The following ITPR1 variants were observed in gnomAD, a reference collection of about 807,000 sequenced individuals.
The protein encoded by ITPR1 is inositol 1,4,5-trisphosphate receptor type 1, also known as inositol 1,4,5-trisphosphate-gated calcium channel ITPR1.
ITPR1 carries 96 observed loss-of-function variants against 318.4 expected under a neutral mutation model. The ratio of observed to expected loss-of-function variants is 0.30; its 90% CI spans 0.26 to 0.36. The LOEUF (loss-of-function observed/expected upper bound fraction) is 0.36, where lower values mean the gene tolerates loss of function less well. Ranked by LOEUF, ITPR1 falls within the 10% of genes least tolerant of loss-of-function variation. The pLI is 1.00. For missense variants in ITPR1, 2,440 were observed against 3,460.2 expected, an observed-to-expected ratio of 0.71 and a Z score of 7.40; for synonymous variants, 1,312 against 1,289.9, an observed-to-expected ratio of 1.02 and a Z score of -0.37.
chr3:4,669,106 C>T (rs2094016255), intron 18 of ITPR1, among the ~76,000 whole-genome samples: 1 of 152,200 alleles, frequency 6.6e-6, no homozygotes, highest in African/African-American at 2.4e-5. Context: ...TTTCTGGAGC[C>T]TGCTCAAGGG....
At chr3:4,516,769 G>C (rs2082203947) in intron 3 of ITPR1, among the ~76,000 whole-genome samples, 186 bp downstream of exon 3, 1 of 152,178 alleles carries the variant, frequency 6.6e-6, no homozygotes, top group Non-Finnish European at 1.5e-5. Context: ...ACAATTTTCT[G>C]TATATTTCTG....
At chr3:4,515,853 G>A (rs930508121) in intron 2 of ITPR1, among the ~76,000 whole-genome samples, 21 of 152,312 alleles carry the variant, frequency 1.4e-4, no homozygotes, top group African/African-American at 4.8e-4. Context: ...GTGTTTCTTG[G>A]TGAAGGATGA....
At chr3:4,588,190 A>G (rs1214461117) in intron 4 of ITPR1, among the ~76,000 whole-genome samples, 2 of 152,212 alleles carry the variant, frequency 1.3e-5, no homozygotes, top group African/African-American at 2.4e-5. Flanking sequence ...TCTATTATAT[A>G]AGAAGTAGAT....
chr3:4,606,797 T>G (rs1475670225), intron 4 of ITPR1, among the ~76,000 whole-genome samples: 1 of 152,172 alleles, frequency 6.6e-6, no homozygotes, highest in African/African-American at 2.4e-5. Flanking sequence ...GGTTAATTTT[T>G]TTCCTTTTTG....
intron 4 of ITPR1, among the ~76,000 whole-genome samples, chr3:4,624,495 C>T (rs1316997015): frequency 6.6e-6 from 1 of 151,772 alleles, no homozygotes; most frequent in African/African-American, 2.4e-5. Flanking sequence ...ATGGTGAAAC[C>T]CCATCTCTAC....
chr3:4,702,280 G>T (rs557701802), intron 35 of ITPR1, among the ~76,000 whole-genome samples: 2 of 152,224 alleles, frequency 1.3e-5, no homozygotes, highest in South Asian at 4.1e-4. Flanking sequence ...GTAACTATCC[G>T]AATTCTCTTT....
At chr3:4,734,012 C>T (rs1332034431) in intron 43 of ITPR1, among the ~76,000 whole-genome samples, 1 of 152,190 alleles carries the variant, frequency 6.6e-6, no homozygotes, top group African/African-American at 2.4e-5. Context: ...TGGTGGGTTC[C>T]ATGTATAGCA....
At chr3:4,683,060 C>T (rs6773688) in intron 26 of ITPR1, among the ~76,000 whole-genome samples, 69,886 of 151,984 alleles carry the variant, frequency 0.46, 16,760 homozygotes, top group Non-Finnish European at 0.53. Context: ...TTAGGAGAAA[C>T]ACATCCTCTT....
rs5846332 is a variant in ITPR1 at position 4,721,172 on chromosome 3, GTATATATATATA to G, written c.5136+3793_5136+3804del. On this transcript the variant is annotated intron_variant, in intron 40 of 61. Transcript: ENST00000649015. ...TGTGTGTAGATACGTGTGTGTGCGT[GTATATATATATA>G]TATATATATATATATATATGCATAT... is the stretch of plus-strand genomic sequence containing the variant. 3.7e-3 allele frequency among the ~76,000 whole-genome samples: 462 copies of G among 124,688 alleles called. 6 individuals are homozygous for G. The highest frequency in any genetic ancestry group is 7.3e-3 in the East Asian group (36 of 4,908). 81.8% of individuals were successfully genotyped at this position (124,688 alleles called of 152,430 possible). A position where few individuals can be genotyped will look rare whatever the true frequency, so the allele number is the denominator to read the frequency against.
At chr3:4,505,586 G>T (rs1008237370) in intron 2 of ITPR1, among the ~76,000 whole-genome samples, 1 of 152,220 alleles carries the variant, frequency 6.6e-6, no homozygotes, top group African/African-American at 2.4e-5. Context: ...TTTTTTAGGA[G>T]GTGGAGGTAG....
intron 7 of ITPR1, 98 bp downstream of exon 7, chr3:4,642,349 G>C: frequency 1.1e-6 from 1 of 945,330 alleles, no homozygotes; most frequent in Non-Finnish European, 1.5e-6. Flanking sequence ...GTTGGAACCA[G>C]AGGCTTGTCC....
chr3:4,827,889 A>G (rs904892506), intron 60 of ITPR1, among the ~76,000 whole-genome samples: 2 of 152,124 alleles, frequency 1.3e-5, no homozygotes, highest in African/African-American at 4.8e-5. Flanking sequence ...CCTTTCTTCC[A>G]AACCACTCTT....
chr3:4,799,437 C>T (rs759674805), intron 53 of ITPR1, among the ~76,000 whole-genome samples: 3 of 152,118 alleles, frequency 2.0e-5, no homozygotes, highest in Non-Finnish European at 4.4e-5. Flanking sequence ...GCTGAATCTC[C>T]GCAGGCGTGG....
intron 4 of ITPR1, among the ~76,000 whole-genome samples, chr3:4,542,043 C>A (rs929064729): frequency 1.3e-5 from 2 of 152,234 alleles, no homozygotes; most frequent in South Asian, 4.1e-4. Context: ...GCTCTGTATT[C>A]ATTGAGAGTT....
intron 37 of ITPR1, among the ~76,000 whole-genome samples, chr3:4,706,991 T>C (rs17711545): frequency 0.13 from 19,061 of 152,212 alleles, 1,530 homozygotes; most frequent in Non-Finnish European, 0.18. Context: ...ATCCTTTGAA[T>C]GAGCCCACAA....
At chr3:4,688,323 G>A (rs2094429918) in intron 30 of ITPR1, among the ~76,000 whole-genome samples, 172 bp from the exon 31 acceptor site, 1 of 152,192 alleles carries the variant, frequency 6.6e-6, no homozygotes, top group South Asian at 2.1e-4. Flanking sequence ...AATGAGCATA[G>A]ACAAGTTACT....
intron 4 of ITPR1, among the ~76,000 whole-genome samples, chr3:4,587,285 T>A (rs888805052): frequency 6.6e-6 from 1 of 150,552 alleles, no homozygotes; most frequent in Non-Finnish European, 1.5e-5. Flanking sequence ...TTTTTTTTTT[T>A]TTTTTTGAGT....
intron 10 of ITPR1, among the ~76,000 whole-genome samples, chr3:4,647,615 G>C (rs933394328): frequency 6.6e-6 from 1 of 152,206 alleles, no homozygotes; most frequent in Non-Finnish European, 1.5e-5. Flanking sequence ...GGTATAGTCA[G>C]TCTTTTCAAT....
At chr3:4,548,818 G>A (rs1400762667) in intron 4 of ITPR1, among the ~76,000 whole-genome samples, 1 of 152,188 alleles carries the variant, frequency 6.6e-6, no homozygotes, top group Non-Finnish European at 1.5e-5. Flanking sequence ...TTCTCTGTAA[G>A]TCAGAGAAAC....
Sources: gnomAD v4.1 joint callset for allele counts (sites outside exome capture counted in the v4.1 genomes callset) on GRCh38, gnomAD v4.1.1 for gene constraint, MANE v1.5 for transcripts, NCBI Gene and HGNC (gene_info 2026-07-23, HGNC 2026-07-21) for gene names.